Variants in CAST observed in about 807,000 individuals in gnomAD.
The protein encoded by CAST is MIR583 host.
A neutral mutation model predicts 119.6 loss-of-function variants in CAST; 76 were observed. The observed-to-expected ratio is 0.64, with a 90% CI of 0.53 to 0.77. The LOEUF (loss-of-function observed/expected upper bound fraction) is 0.77. Ranked by LOEUF, CAST falls within the 30% of genes least tolerant of loss-of-function variation. The pLI is 0.00. For synonymous variants in CAST, 319 were observed against 331.6 expected (o/e 0.96, Z 0.41); for missense variants, 953 against 946.5 (o/e 1.01, Z -0.09).
At chr5:96,029,051 C>T in the CAST span, among the ~76,000 whole-genome samples, 1 of 152,084 alleles carries the variant, frequency 6.6e-6, no homozygotes, top group Non-Finnish European at 1.5e-5. Flanking sequence ...TTCTTTGGAA[C>T]AATTTAAACA....
the CAST span, among the ~76,000 whole-genome samples, chr5:96,167,430 G>A: frequency 0.31 from 46,589 of 151,992 alleles, 7,415 homozygotes; most frequent in Middle Eastern, 0.4. Context: ...ATGAGACTGG[G>A]GCCTAATAAA....
the CAST span, among the ~76,000 whole-genome samples, chr5:96,039,381 G>T: frequency 9.2e-5 from 14 of 152,128 alleles, no homozygotes; most frequent in African/African-American, 3.1e-4. Flanking sequence ...AGTTTAATTA[G>T]ATCCAGTTTG....
the CAST span, chr5:96,391,821 T>A: frequency 2.0e-5 from 3 of 152,242 alleles, no homozygotes; most frequent in Non-Finnish European, 2.9e-5. Flanking sequence ...ACTCATATTT[T>A]AAAAACATTC....
intron 1 of CAST, among the ~76,000 whole-genome samples, chr5:96,641,011 A>G (rs1431794611): frequency 4.6e-5 from 7 of 152,206 alleles, no homozygotes; most frequent in Non-Finnish European, 7.3e-5. Flanking sequence ...GAAAATAAAT[A>G]TTGCAAAAGC....
chr5:96,479,220 A>C, the CAST span, among the ~76,000 whole-genome samples: 1 of 152,214 alleles, frequency 6.6e-6, no homozygotes, highest in Non-Finnish European at 1.5e-5. Context: ...GAAAGCTCAG[A>C]GTTCAATGTT....
chr5:96,179,187 A>G, the CAST span, among the ~76,000 whole-genome samples: 1 of 152,164 alleles, frequency 6.6e-6, no homozygotes, highest in African/African-American at 2.4e-5. Flanking sequence ...TCTAAAACAC[A>G]CATATGACCA....
At chr5:96,646,729 T>G (rs1317869513) in intron 1 of CAST, among the ~76,000 whole-genome samples, 2 of 152,208 alleles carry the variant, frequency 1.3e-5, no homozygotes, top group Non-Finnish European at 2.9e-5. Context: ...ATTATTCAAC[T>G]TATTTGTTTT....
intron 1 of CAST, among the ~76,000 whole-genome samples, chr5:96,558,843 C>A (rs1264294047): frequency 1.3e-5 from 2 of 152,144 alleles, no homozygotes; most frequent in Non-Finnish European, 2.9e-5. Flanking sequence ...GGGAATCCTC[C>A]CTAACTCATT....
chr5:96,605,994 A>T (rs538858760), intron 1 of CAST, among the ~76,000 whole-genome samples: 1 of 152,318 alleles, frequency 6.6e-6, no homozygotes, highest in South Asian at 2.1e-4. Context: ...GGTAAGATTT[A>T]AAATTTTCCC....
chr5:96,212,520 G>C, the CAST span, among the ~76,000 whole-genome samples: 3 of 152,064 alleles, frequency 2.0e-5, no homozygotes, highest in African/African-American at 7.2e-5. Flanking sequence ...CTCAGTATAG[G>C]TTCCATGGGC....
chr5:96,431,180 C>T, the CAST span, among the ~76,000 whole-genome samples: 2 of 152,134 alleles, frequency 1.3e-5, no homozygotes, highest in African/African-American at 4.8e-5. Flanking sequence ...GCTACTCATA[C>T]CCTCTTTGGG....
the CAST span, among the ~76,000 whole-genome samples, chr5:96,393,954 T>C: frequency 2.0e-3 from 303 of 152,282 alleles, no homozygotes; most frequent in Non-Finnish European, 3.7e-3. Context: ...GTTTCAATAT[T>C]CCAACACTGA....
the CAST span, among the ~76,000 whole-genome samples, chr5:96,201,619 C>A: frequency 1.3e-5 from 2 of 152,052 alleles, no homozygotes; most frequent in East Asian, 3.9e-4. Context: ...CCTATGGGAC[C>A]ACCTAGAACA....
At chr5:96,065,268 G>A in the CAST span, among the ~76,000 whole-genome samples, 1 of 151,808 alleles carries the variant, frequency 6.6e-6, no homozygotes, top group African/African-American at 2.4e-5. Context: ...TCAGTGAAAT[G>A]TTTGGATTAA....
At chr5:96,320,228 CTTTTTTTTT>C in the CAST span, among the ~76,000 whole-genome samples, 1 of 97,360 alleles carries the variant, frequency 1.0e-5, no homozygotes, top group African/African-American at 4.0e-5. Flanking sequence ...AAGGCTTTTG[CTTTTTTTTT>C]TTTTTTTTTT....
chr5:96,610,570 T>C (rs1369585597), intron 1 of CAST, among the ~76,000 whole-genome samples: 1 of 152,174 alleles, frequency 6.6e-6, no homozygotes, highest in African/African-American at 2.4e-5. Context: ...TCATACTGAA[T>C]GGACCAAAGT....
chr5:96,425,008 A>AAAAAGAAAGAAAG, the CAST span, among the ~76,000 whole-genome samples: 3 of 117,478 alleles, frequency 2.6e-5, no homozygotes, highest in Admixed American at 9.4e-5. Context: ...AGAAAGAAAG[A>AAAAAGAAAGAAAG]AAAGAAAGAA....
At chr5:96,261,627 G>T in the CAST span, among the ~76,000 whole-genome samples, 1 of 152,160 alleles carries the variant, frequency 6.6e-6, no homozygotes, top group East Asian at 1.9e-4. Flanking sequence ...TAACATGGCA[G>T]ATTAGCATCC....
At chr5:96,398,868 T>G in the CAST span, 1 of 1,610,032 alleles carries the variant, frequency 6.2e-7, no homozygotes, top group South Asian at 1.1e-5. Flanking sequence ...CTTAGAACTT[T>G]TTTAATTTAC....
Sources: gnomAD v4.1 joint callset for allele counts (sites outside exome capture counted in the v4.1 genomes callset) on GRCh38, gnomAD v4.1.1 for gene constraint, MANE v1.5 for transcripts, NCBI Gene and HGNC (gene_info 2026-07-23, HGNC 2026-07-21) for gene names.